SLC44A5: variants seen among roughly 807,000 people sequenced by gnomAD.
SLC44A5 encodes the protein solute carrier family 44 member 5, also known as choline transporter-like protein 5.
Under a neutral mutation model 101.8 loss-of-function variants are expected in SLC44A5, and 57 were observed. That is an observed-to-expected ratio of 0.56 (90% CI 0.45 to 0.70). SLC44A5 has a LOEUF of 0.70. SLC44A5 is among the 30% of genes least tolerant of loss of function. The probability of loss-of-function intolerance (pLI) is 0.00; values close to 1 mark genes in which losing one functional copy is unlikely to be tolerated. For missense variants in SLC44A5, 737 were observed against 853.1 expected (o/e 0.86, Z 1.70); for synonymous variants, 281 against 290.9 (o/e 0.97, Z 0.35).
chr1:75,326,102 G>C (rs1656575674), intron 4 of SLC44A5, among the ~76,000 whole-genome samples: 1 of 132,318 alleles, frequency 7.6e-6, no homozygotes, highest in African/African-American at 3.7e-5. Flanking sequence ...CTCCGTGTGT[G>C]TGTGTGTGTG....
rs144131705 is a variant in SLC44A5, at chr1:75,271,884, A to G, written c.260+3074T>C. ...AGACCTACCTTTAGTTCTTTAAGGA[A>G]ACCCCATACTGTTTTCCATACTGGT... On this transcript the variant is annotated intron_variant, in intron 6 of 23. Coordinates refer to ENST00000370859, the MANE Select transcript of SLC44A5 (RefSeq NM_001130058.2). 3.4e-3 allele frequency among the ~76,000 whole-genome samples: 524 copies of G among 152,232 alleles called. 10 individuals carry two copies. In the South Asian group the frequency reaches 0.047, roughly 14 times the overall value.
At chr1:75,275,706 T>A (rs899716760) in intron 5 of SLC44A5, among the ~76,000 whole-genome samples, 1 of 152,152 alleles carries the variant, frequency 6.6e-6, no homozygotes, top group Non-Finnish European at 1.5e-5. Context: ...TTACCCTTAT[T>A]TTTTAAGAAT....
At chr1:75,322,790 G>A (rs914347885) in intron 4 of SLC44A5, among the ~76,000 whole-genome samples, 3 of 152,088 alleles carry the variant, frequency 2.0e-5, no homozygotes, top group Admixed American at 1.3e-4. Flanking sequence ...AAATACAGGA[G>A]AAAGAACTCT....
At chr1:75,581,275 C>A (rs904595835) in intron 1 of SLC44A5, among the ~76,000 whole-genome samples, 4 of 152,160 alleles carry the variant, frequency 2.6e-5, no homozygotes, top group Non-Finnish European at 4.4e-5. Context: ...TATGATCAAG[C>A]TGTTTCCAAA....
the SLC44A5 span, among the ~76,000 whole-genome samples, chr1:75,695,910 G>T: frequency 0.29 from 44,304 of 150,694 alleles, 6,711 homozygotes; most frequent in Non-Finnish European, 0.33. Flanking sequence ...ATTAGAGAAT[G>T]GGGAACACTA....
At chr1:75,503,543 TG>T (rs1669085448) in intron 2 of SLC44A5, among the ~76,000 whole-genome samples, 1 of 152,156 alleles carries the variant, frequency 6.6e-6, no homozygotes, top group South Asian at 2.1e-4. Context: ...ATACAGCCTG[TG>T]GAACTATGTG....
At chr1:75,600,938 C>T (rs1157613582) in intron 1 of SLC44A5, among the ~76,000 whole-genome samples, 2 of 152,130 alleles carry the variant, frequency 1.3e-5, no homozygotes, top group African/African-American at 4.8e-5. Flanking sequence ...CAATGCATGA[C>T]TGTGTATAAA....
chr1:75,300,490 G>T, intron 5 of SLC44A5, 122 bp downstream of exon 5: 1 of 535,602 alleles, frequency 1.9e-6, no homozygotes, highest in Non-Finnish European at 3.1e-6. Context: ...TTTCCTCCAG[G>T]AAAGACAACA....
chr1:75,283,076 C>G (rs1333757240), intron 5 of SLC44A5, among the ~76,000 whole-genome samples: 1 of 152,146 alleles, frequency 6.6e-6, no homozygotes, highest in Non-Finnish European at 1.5e-5. Flanking sequence ...TTTAAGGAAT[C>G]TCCACACTGT....
intron 1 of SLC44A5, among the ~76,000 whole-genome samples, chr1:75,572,616 G>A (rs1197957339): frequency 2.0e-5 from 3 of 152,180 alleles, no homozygotes; most frequent in African/African-American, 7.2e-5. Context: ...AGAAGTGGAA[G>A]AAAGACTGGG....
the SLC44A5 span, among the ~76,000 whole-genome samples, chr1:75,671,700 T>C: frequency 2.6e-5 from 4 of 152,180 alleles, no homozygotes; most frequent in Admixed American, 2.0e-4. Context: ...TTGATAGTGA[T>C]GAGTGCAGTA....
chr1:75,547,012 G>A (rs1284699637), intron 1 of SLC44A5, among the ~76,000 whole-genome samples: 1 of 152,102 alleles, frequency 6.6e-6, no homozygotes, highest in Admixed American at 6.5e-5. Flanking sequence ...TTATGGTAAA[G>A]TTTGGATGAA....
At chr1:75,347,496 T>C (rs1658332358) in intron 3 of SLC44A5, among the ~76,000 whole-genome samples, 1 of 152,102 alleles carries the variant, frequency 6.6e-6, no homozygotes, top group Non-Finnish European at 1.5e-5. Context: ...TGAGCAAAAA[T>C]GGTGGTAAAC....
At chr1:75,266,904 C>T (rs1651038062) in intron 6 of SLC44A5, among the ~76,000 whole-genome samples, 1 of 152,154 alleles carries the variant, frequency 6.6e-6, no homozygotes, top group Non-Finnish European at 1.5e-5. Context: ...GACAGTAAAT[C>T]AAGATCTTGT....
the SLC44A5 span, among the ~76,000 whole-genome samples, chr1:75,702,444 C>G: frequency 6.6e-6 from 1 of 152,088 alleles, no homozygotes. Flanking sequence ...GCTGGGAAAA[C>G]TGGCTAGCCA....
At chr1:75,472,946 T>C (rs1394535193) in intron 2 of SLC44A5, among the ~76,000 whole-genome samples, 1 of 152,238 alleles carries the variant, frequency 6.6e-6, no homozygotes, top group Non-Finnish European at 1.5e-5. Context: ...TAAAGACTTC[T>C]GTGTGATGAA....
At chr1:75,573,941 T>C (rs1456985498) in intron 1 of SLC44A5, among the ~76,000 whole-genome samples, 1 of 152,254 alleles carries the variant, frequency 6.6e-6, no homozygotes, top group Non-Finnish European at 1.5e-5. Flanking sequence ...AAGATAATTA[T>C]GCACCCCATG....
the SLC44A5 span, among the ~76,000 whole-genome samples, chr1:75,684,445 T>C: frequency 1.3e-5 from 2 of 152,118 alleles, no homozygotes; most frequent in African/African-American, 2.4e-5. Flanking sequence ...AAGTTCCTTA[T>C]ACCTAGGAGC....
chr1:75,320,125 C>T (rs978304811), intron 4 of SLC44A5, among the ~76,000 whole-genome samples: 4 of 151,986 alleles, frequency 2.6e-5, no homozygotes, highest in Non-Finnish European at 4.4e-5. Context: ...GAATGTAGGA[C>T]GTCTAAGCTT....
Sources: gnomAD v4.1 joint callset for allele counts (sites outside exome capture counted in the v4.1 genomes callset) on GRCh38, gnomAD v4.1.1 for gene constraint, MANE v1.5 for transcripts, NCBI Gene and HGNC (gene_info 2026-07-23, HGNC 2026-07-21) for gene names.